The following DST variants were observed in gnomAD, a reference collection of about 807,000 sequenced individuals.
DST encodes the protein dystonin, also known as bullous pemphigoid antigen.
Under a neutral mutation model 875.2 loss-of-function variants are expected in DST, and 253 were observed. The observed-to-expected ratio is 0.29, with a 90% CI of 0.26 to 0.32. The LOEUF (loss-of-function observed/expected upper bound fraction) is 0.32, where lower values mean the gene tolerates loss of function less well. DST is among the 10% of genes least tolerant of loss of function. The probability of loss-of-function intolerance (pLI) is 1.00; values close to 1 mark genes in which losing one functional copy is unlikely to be tolerated. For synonymous variants in DST, 3,124 were observed against 3,197.1 expected (o/e 0.98, Z 0.77); for missense variants, 8,287 against 9,111.6 (o/e 0.91, Z 3.68).
At chr6:56,753,058 T>C (rs2099592512) in intron 4 of DST, among the ~76,000 whole-genome samples, 1 of 152,196 alleles carries the variant, frequency 6.6e-6, no homozygotes, top group South Asian at 2.1e-4. Context: ...CCCAAAGTGC[T>C]GGGATTACAG....
In DST at chr6:56,953,789, G is replaced by C. The variant is rs1823653286; in HGVS notation, c.212C>G (p.Ser71Cys). Residue 71 changes from serine to cysteine, a missense_variant, in exon 2 of 104, where the codon TCT (serine) becomes TGT (cysteine). Ser to Cys is a moderately radical substitution (Grantham distance 112, BLOSUM62 -1). Around this residue, in one of 10 missense-constraint regions of DST, gnomAD observed 1,160 missense variants for 1,424.3 expected, o/e 0.81. Transcript: ENST00000680361. ...DAVLRSHHFR[S>C]EGFRASPRHL... is the part of the protein sequence containing the mutation. Reference sequence around the variant, plus strand: ...CGTGCGCGCTAAATAAATTACCTCAGAACGAAAGTGGTGCGATCTCAAAAC... The same window carrying C: ...CGTGCGCGCTAAATAAATTACCTCACAACGAAAGTGGTGCGATCTCAAAAC... 1 of 1,316,124 alleles carries C rather than the reference G, an allele frequency of 7.6e-7. No homozygotes were observed. The highest frequency in any genetic ancestry group is 1.5e-5 in the African/African-American group (1 of 66,390). 81.5% of individuals were successfully genotyped at this position (1,316,124 alleles called of 1,614,324 possible). A position where few individuals can be genotyped will look rare whatever the true frequency, so the allele number is the denominator to read the frequency against.
At chr6:56,618,871 G>T (rs560363435) in intron 36 of DST, 1 of 1,614,006 alleles carries the variant, frequency 6.2e-7, no homozygotes, top group South Asian at 1.1e-5. Flanking sequence ...AGTGTAATTC[G>T]TCTTGTACTT....
chr6:56,874,055 CT>C (rs1258467943), intron 3 of DST, among the ~76,000 whole-genome samples: 1 of 152,170 alleles, frequency 6.6e-6, no homozygotes, highest in Admixed American at 6.5e-5. Context: ...CTGTAGTATA[CT>C]TTACACCTGT....
rs528495688 is a variant in DST at position 56,515,707 on chromosome 6, C to G, written c.18358-39G>C. 2.0e-6 allele frequency: 3 copies of G among 1,503,016 alleles called. No homozygotes were observed. In the East Asian group the frequency reaches 7.3e-5, roughly 37 times the overall value. The allele number at this position is 1,503,016 out of a possible 1,614,324, so 93.1% of individuals were successfully genotyped here. A position where few individuals can be genotyped will look rare whatever the true frequency, so the allele number is the denominator to read the frequency against. ...GGATGAAATGTTTAACTGGTCAGGC[C>G]AACGAGCACACACACTCCAGAGTGC... On this transcript the variant is annotated intron_variant, in intron 71 of 103. Coordinates refer to ENST00000680361, the MANE Select transcript of DST (RefSeq NM_001374736.1).
intron 3 of DST, among the ~76,000 whole-genome samples, chr6:56,876,115 A>G (rs1410605252): frequency 1.3e-5 from 2 of 151,914 alleles, no homozygotes; most frequent in African/African-American, 2.4e-5. Context: ...ACATCATCCA[A>G]TGCCGCTCTC....
At chr6:56,528,975 G>C in intron 66 of DST, 50 bp from the exon 67 acceptor site, 1 of 1,138,046 alleles carries the variant, frequency 8.8e-7, no homozygotes, top group South Asian at 1.4e-5. Context: ...ATTTAAGTTA[G>C]CATTAACATT....
chr6:56,579,204 C>G (rs1482959034), intron 49 of DST, among the ~76,000 whole-genome samples: 40 of 152,132 alleles, frequency 2.6e-4, no homozygotes, highest in Admixed American at 2.6e-3. Flanking sequence ...TTCCCTGGTT[C>G]CTGATCATAC....
chr6:56,788,807 T>C (rs1026696043), intron 4 of DST, among the ~76,000 whole-genome samples: 12 of 152,220 alleles, frequency 7.9e-5, no homozygotes, highest in Non-Finnish European at 1.6e-4. Context: ...CTTCCAACTT[T>C]TTGCTATTAC....
chr6:56,725,017 G>T (rs181645536), intron 5 of DST, among the ~76,000 whole-genome samples: 34 of 152,216 alleles, frequency 2.2e-4, no homozygotes, highest in Non-Finnish European at 4.0e-4. Flanking sequence ...AAAATTCTAT[G>T]TAAATTATTT....
chr6:56,598,382 A>G (rs1483026105), intron 46 of DST, 94 bp downstream of exon 46: 1 of 741,156 alleles, frequency 1.3e-6, no homozygotes, highest in Non-Finnish European at 2.0e-6. Flanking sequence ...CTTAGTGATA[A>G]TCCTTATTTA....
intron 1 of DST, 120 bp downstream of exon 1, chr6:56,954,287 G>A (rs541923317): frequency 1.5e-6 from 1 of 650,558 alleles, no homozygotes. Context: ...ACTCAGCCTG[G>A]GGAGTGGGCA....
chr6:56,906,148 C>A (rs1796320644), intron 2 of DST, among the ~76,000 whole-genome samples: 1 of 152,256 alleles, frequency 6.6e-6, no homozygotes, highest in African/African-American at 2.4e-5. Flanking sequence ...TTTTGAGAAA[C>A]CACCATACTG....
intron 4 of DST, among the ~76,000 whole-genome samples, chr6:56,757,789 A>C (rs1280674695): frequency 6.6e-6 from 1 of 152,200 alleles, no homozygotes; most frequent in African/African-American, 2.4e-5. Context: ...CTAAGTCTGC[A>C]GGAACAAGAA....
chr6:56,488,858 C>T (rs1229451245), intron 86 of DST, among the ~76,000 whole-genome samples: 2 of 151,882 alleles, frequency 1.3e-5, no homozygotes, highest in Non-Finnish European at 2.9e-5. Flanking sequence ...GGAGGGAATG[C>T]TCTTTGAATG....
chr6:56,555,960 C>T (rs1025450224), intron 59 of DST, 120 bp from the exon 60 acceptor site: 38 of 1,042,694 alleles, frequency 3.6e-5, no homozygotes, highest in Non-Finnish European at 4.8e-5. Flanking sequence ...TTTTAGTTAT[C>T]ACTTTCCTAC....
intron 8 of DST, among the ~76,000 whole-genome samples, chr6:56,700,464 CCTAACAATT>C (rs2099294418): frequency 6.6e-6 from 1 of 152,094 alleles, no homozygotes; most frequent in South Asian, 2.1e-4. Flanking sequence ...ATGAAACTAT[CCTAACAATT>C]CTAACAATTT....
intron 78 of DST, among the ~76,000 whole-genome samples, chr6:56,503,590 T>TACAC (rs1220256775): frequency 8.1e-4 from 39 of 48,410 alleles, no homozygotes; most frequent in Non-Finnish European, 1.1e-3. Flanking sequence ...TCTCTACCTA[T>TACAC]ACATACACAC....
intron 4 of DST, among the ~76,000 whole-genome samples, chr6:56,810,032 T>TAATA (rs1453176344): frequency 6.6e-6 from 1 of 152,170 alleles, no homozygotes; most frequent in African/African-American, 2.4e-5. Flanking sequence ...ATTTTAGTTA[T>TAATA]AATATATTTA....
rs754084373 is a variant in DST, at chr6:56,608,845, T to C, written c.5783A>G (p.Lys1928Arg). Residue 1928 changes from lysine to arginine, a missense_variant, in exon 40 of 104, where the codon AAG becomes AGG. Transcript: ENST00000680361. The stretch of plus-strand genomic sequence containing the variant: ...TTGTACCATATCTATTAAAGAAACC[T>C]TCTCAGAGGTGCAGGGGTCAATAAG... The part of the protein sequence containing the change: ...KDLIDPCTSE[K>R]VSLIDMVQRS... The C allele has an allele frequency of 6.2e-7, 1 of 1,612,860 alleles. No homozygotes were observed. The highest frequency in any genetic ancestry group is 1.3e-5 in the African/African-American group (1 of 74,922).
Sources: gnomAD v4.1 joint callset for allele counts (sites outside exome capture counted in the v4.1 genomes callset) on GRCh38, gnomAD v4.1.1 for gene constraint, gnomAD v4.1.1 regional missense constraint, MANE v1.5 for transcripts, NCBI Gene and HGNC (gene_info 2026-07-23, HGNC 2026-07-21) for gene names.